SHPRH: variants seen among roughly 807,000 people sequenced by gnomAD.
The protein encoded by SHPRH is SNF2 histone linker PHD RING helicase, also known as E3 ubiquitin-protein ligase SHPRH.
Under a neutral mutation model 202.5 loss-of-function variants are expected in SHPRH, and 106 were observed. The ratio of observed to expected loss-of-function variants is 0.52; its 90% CI spans 0.45 to 0.62. The LOEUF is 0.62. SHPRH is among the 20% of genes least tolerant of loss of function. The pLI is 0.00. For synonymous variants in SHPRH, 729 were observed against 686.0 expected, an observed-to-expected ratio of 1.06 and a Z score of -0.98; for missense variants, 1,710 against 2,020.0, an observed-to-expected ratio of 0.85 and a Z score of 2.94.
chr6:145,878,252 A>G (rs766550028), intron 2 of SHPRH, among the ~76,000 whole-genome samples: 4 of 152,094 alleles, frequency 2.6e-5, no homozygotes, highest in Admixed American at 6.5e-5. Context: ...AACCTTTCCT[A>G]CTATCAATAT....
chr6:145,863,346 C>T (rs2128682925), downstream of SHPRH, among the ~76,000 whole-genome samples: 1 of 152,220 alleles, frequency 6.6e-6, no homozygotes, highest in East Asian at 1.9e-4. Flanking sequence ...CTTAACCAAG[C>T]CTGCTTGCAA....
chr6:145,929,764 C>G (rs913878264), intron 14 of SHPRH, among the ~76,000 whole-genome samples: 4 of 152,000 alleles, frequency 2.6e-5, no homozygotes, highest in Non-Finnish European at 5.9e-5. Flanking sequence ...GTTACGTGTA[C>G]TATATGTGAA....
intron 7 of SHPRH, 131 bp from the exon 8 acceptor site, chr6:145,945,768 G>A (rs955133156): frequency 3.3e-6 from 3 of 921,356 alleles, no homozygotes; most frequent in Non-Finnish European, 4.5e-6. Context: ...ACAGCAGAGT[G>A]CCATTTTGAA....
chr6:145,943,800 T>A lies in SHPRH; in HGVS notation c.1581A>T (p.Ala527=). The A allele has an allele frequency of 6.4e-6, 10 of 1,558,290 alleles. No homozygotes were observed. The highest frequency in any genetic ancestry group is 8.6e-6 in the Non-Finnish European group (10 of 1,160,006). Residue 527 remains alanine, a splice_region_variant and synonymous_variant, in exon 9 of 30, where the codon GCA becomes GCT. Transcript: ENST00000275233. ...TCTGAATTTTCCTTGGACTCCCTAC[T>A]GCCTATGAAAAAAATATTTAATTAA... ...EDICDKTKKQ[A]VGSPRKIQKE... is the part of the protein sequence containing the mutation.
At chr6:145,916,863 A>G (rs1369887910) in intron 23 of SHPRH, among the ~76,000 whole-genome samples, 1 of 151,996 alleles carries the variant, frequency 6.6e-6, no homozygotes, top group Non-Finnish European at 1.5e-5. Context: ...GCTCACTGCA[A>G]CCTCTGTCTC....
Position 145,886,717 on chromosome 6 carries a change from T to A in SHPRH, c.5026A>T (p.Thr1676Ser). 1 of 1,613,700 alleles carries A rather than the reference T, an allele frequency of 6.2e-7. No homozygotes were observed. Among genetic ancestry groups the A allele is most frequent in the Non-Finnish European group, 8.5e-7 (1 of 1,179,750 alleles). ...CATTCAAGCTCTTCAGTTTCTTTGG[T>A]AAATAGGTCTGCCAGGTCAGCCACA... Reference protein sequence around the residue: ...LTVADLADLFTKETEELE With the variant: ...LTVADLADLFSKETEELE The change falls in exon 30 of 30, where the codon ACC (threonine) becomes TCC (serine). Residue 1676 changes from threonine (T) to serine (S), a missense_variant. Coordinates refer to ENST00000275233, the MANE Select transcript of SHPRH (RefSeq NM_001042683.3).
At chr6:145,963,161 T>C (rs916045854) in intron 1 of SHPRH, among the ~76,000 whole-genome samples, 1 of 152,224 alleles carries the variant, frequency 6.6e-6, no homozygotes, top group African/African-American at 2.4e-5. Flanking sequence ...GACATAATCA[T>C]TACAATACTG....
rs574580966 is a variant in SHPRH at position 145,902,095 on chromosome 6, T to A, written c.4516-7118A>T. On this transcript the variant is annotated intron_variant, in intron 25 of 29. Coordinates refer to ENST00000275233, the MANE Select transcript of SHPRH (RefSeq NM_001042683.3). The stretch of plus-strand genomic sequence containing the variant: ...GTCAGCAGCCAGGAGAATTAAAATG[T>A]TTAAAAATAAAGAAGTGAAGTAAAG... Among the ~76,000 whole-genome samples, 3 of 152,216 alleles carry A rather than the reference T, an allele frequency of 2.0e-5. No homozygotes were observed. The East Asian group carries it at 5.8e-4, about 29-fold the overall frequency.
intron 7 of SHPRH, 57 bp downstream of exon 7, chr6:145,946,176 G>A (rs1288304480): frequency 1.6e-6 from 2 of 1,285,210 alleles, no homozygotes; most frequent in African/African-American, 3.0e-5. Context: ...AGGATTGCAA[G>A]AACTCTAGCA....
At chr6:145,960,389 T>G (rs1358824748) in intron 1 of SHPRH, among the ~76,000 whole-genome samples, 1 of 152,028 alleles carries the variant, frequency 6.6e-6, no homozygotes, top group Non-Finnish European at 1.5e-5. Context: ...AGCATGGATA[T>G]GGGGGGTGGA....
intron 1 of SHPRH, among the ~76,000 whole-genome samples, chr6:145,958,387 A>C (rs1788725162): frequency 6.6e-6 from 1 of 152,214 alleles, no homozygotes; most frequent in Admixed American, 6.5e-5. Flanking sequence ...TTATTCAATA[A>C]ATCTGAAAAA....
At position 145,915,266 on chromosome 6, in the gene SHPRH, G is replaced by C. The variant is rs911979434; in HGVS notation, c.4255-1717C>G. Reference sequence around the variant, plus strand: ...AATCCTCTGCTTACCTCTTTCCTTTGTGCTACTGACATATATTTTAGTTCT... The same window carrying C: ...AATCCTCTGCTTACCTCTTTCCTTTCTGCTACTGACATATATTTTAGTTCT... On this transcript the variant is annotated intron_variant, in intron 23 of 29. Coordinates refer to ENST00000275233, the MANE Select transcript of SHPRH (RefSeq NM_001042683.3). Among the ~76,000 whole-genome samples, 23 of 150,300 alleles carry C rather than the reference G, an allele frequency of 1.5e-4. 1 individual carries two copies.
intron 1 of SHPRH, among the ~76,000 whole-genome samples, chr6:145,961,950 T>C (rs1789132600): frequency 6.6e-6 from 1 of 152,236 alleles, no homozygotes; most frequent in African/African-American, 2.4e-5. Flanking sequence ...GTAAGTCAAG[T>C]ACTGGTGAAA....
chr6:145,924,059 A>C (rs140488231), intron 17 of SHPRH, among the ~76,000 whole-genome samples: 1 of 152,100 alleles, frequency 6.6e-6, no homozygotes, highest in African/African-American at 2.4e-5. Context: ...TAACTAAAAA[A>C]ACTGTTTACG....
In SHPRH at chr6:145,950,269, G is replaced by A; in HGVS notation, c.977C>T (p.Ala326Val). Residue 326 changes from alanine (A) to valine (V), a missense_variant, in exon 4 of 30, where the codon GCT becomes GTT. By Grantham distance (64) the Ala-to-Val change is moderately conservative. Around this residue, in one of 8 missense-constraint regions of SHPRH, gnomAD observed 459 missense variants for 426.5 expected, o/e 1.08. Transcript: ENST00000275233. ...TTTAAACATCTTATTCTTACCAGTA[G>A]CAGGACTGCTTCTGAAACACTCTTG... ...LQQECFRSSPATESALHFLWR... is the reference protein window; with the variant it reads ...LQQECFRSSPVTESALHFLWR... 1 of 1,612,514 alleles carries A rather than the reference G, an allele frequency of 6.2e-7. No homozygotes were observed. The highest frequency in any genetic ancestry group is 1.1e-5 in the South Asian group (1 of 91,042).
intron 11 of SHPRH, among the ~76,000 whole-genome samples, chr6:145,937,887 C>CA (rs1786289492): frequency 6.6e-6 from 1 of 152,148 alleles, no homozygotes; most frequent in Admixed American, 6.5e-5. Context: ...TGTTATAGAA[C>CA]AAACTATTTT....
In SHPRH at chr6:145,921,341, T is replaced by A. The variant is rs761262222; in HGVS notation, c.3834A>T (p.Gly1278=). ...TGGTAGGTGCTCGATCATCCACCAGTCCTTCTTCATCTTCTATCATCTCCT... is the reference window on the plus strand; with the variant it reads ...TGGTAGGTGCTCGATCATCCACCAGACCTTCTTCATCTTCTATCATCTCCT... The part of the protein sequence containing the change: ...IFEEMIEDEE[G]LVDDRAPTTT... The change falls in exon 21 of 30, where the codon GGA becomes GGT. Residue 1278 remains glycine, a synonymous_variant. Transcript: ENST00000275233. 6.2e-7 allele frequency: 1 copy of A among 1,612,792 alleles called. No individual in the cohort carries two copies. Among genetic ancestry groups the A allele is most frequent in the South Asian group, 1.1e-5 (1 of 91,040 alleles).
In SHPRH at chr6:145,885,483, G is replaced by A. The variant is rs1170176120; in HGVS notation, c.*1208C>T. 6.6e-6 allele frequency: 1 copy of A among 152,218 alleles called. No homozygotes were observed. Among genetic ancestry groups the A allele is most frequent in the Non-Finnish European group, 1.5e-5 (1 of 68,020 alleles). The allele number at this position is 152,218 out of a possible 1,614,324, so 9.4% of individuals were successfully genotyped here. ...GAGTTTTCCAGGCAGCTAACTGGGA[G>A]CTAATAAGTCCTGAGGGTCAAAGAG... is the stretch of plus-strand genomic sequence containing the variant. On this transcript the variant is annotated 3_prime_UTR_variant, in exon 30 of 30. Transcript: ENST00000275233.
downstream of SHPRH, among the ~76,000 whole-genome samples, chr6:145,863,545 GGA>G (rs1779651093): frequency 6.6e-6 from 1 of 152,174 alleles, no homozygotes; most frequent in Non-Finnish European, 1.5e-5. Flanking sequence ...CAAAGAGGAA[GGA>G]GAGCATTCTG....
Sources: gnomAD v4.1 joint callset for allele counts (sites outside exome capture counted in the v4.1 genomes callset) on GRCh38, gnomAD v4.1.1 for gene constraint, gnomAD v4.1.1 regional missense constraint, MANE v1.5 for transcripts, NCBI Gene and HGNC (gene_info 2026-07-23, HGNC 2026-07-21) for gene names.